The following KCTD8 variants were observed in gnomAD, a reference collection of about 807,000 sequenced individuals.
KCTD8 encodes the protein potassium channel tetramerization domain containing 8.
A neutral mutation model predicts 31.5 loss-of-function variants in KCTD8; 27 were observed. That is an observed-to-expected ratio of 0.86 (90% CI 0.63 to 1.18). The LOEUF (loss-of-function observed/expected upper bound fraction) is 1.18, where lower values mean the gene tolerates loss of function less well. KCTD8 is among the 50% of genes most tolerant of loss of function. The pLI, the probability that KCTD8 is intolerant of heterozygous loss-of-function variation, is 0.00. For synonymous variants in KCTD8, 290 were observed against 280.0 expected (o/e 1.04, Z -0.36); for missense variants, 658 against 647.7 (o/e 1.02, Z -0.17).
intron 1 of KCTD8, among the ~76,000 whole-genome samples, chr4:44,233,662 T>C (rs1162512909): frequency 6.6e-6 from 1 of 152,188 alleles, no homozygotes; most frequent in Non-Finnish European, 1.5e-5. Flanking sequence ...TATATAGAAA[T>C]TCTGTATCTT....
intron 1 of KCTD8, among the ~76,000 whole-genome samples, chr4:44,324,336 G>C (rs1304773233): frequency 6.6e-6 from 1 of 151,852 alleles, no homozygotes; most frequent in African/African-American, 2.4e-5. Context: ...TTCATTTTAT[G>C]ACTAACTCTT....
chr4:44,447,437 G>A, intron 1 of KCTD8, 126 bp downstream of exon 1: 4 of 1,368,408 alleles, frequency 2.9e-6, no homozygotes, highest in South Asian at 1.8e-5. Flanking sequence ...AGGGAGAGCC[G>A]CTCTCTATAA....
intron 1 of KCTD8, among the ~76,000 whole-genome samples, chr4:44,362,190 A>T (rs947622362): frequency 6.6e-6 from 1 of 152,136 alleles, no homozygotes; most frequent in African/African-American, 2.4e-5. Flanking sequence ...TGCCAGCCAC[A>T]CGTAGGTGAG....
chr4:44,307,364 T>C (rs1357353248), intron 1 of KCTD8, among the ~76,000 whole-genome samples: 1 of 152,014 alleles, frequency 6.6e-6, no homozygotes, highest in African/African-American at 2.4e-5. Context: ...TTCATCTATA[T>C]CTGTTGCCTA....
chr4:44,259,326 T>C (rs943005360), intron 1 of KCTD8, among the ~76,000 whole-genome samples: 1 of 151,886 alleles, frequency 6.6e-6, no homozygotes, highest in Non-Finnish European at 1.5e-5. Context: ...ATCCTTCAAA[T>C]ATAATCAGCC....
chr4:44,191,054 G>A (rs980295660), intron 1 of KCTD8, among the ~76,000 whole-genome samples: 55 of 152,146 alleles, frequency 3.6e-4, no homozygotes, highest in Non-Finnish European at 7.4e-4. Context: ...GGCTGGAGCC[G>A]TGGCAGAGGA....
chr4:44,308,984 G>A (rs1306976740), intron 1 of KCTD8, among the ~76,000 whole-genome samples: 2 of 152,020 alleles, frequency 1.3e-5, no homozygotes, highest in Non-Finnish European at 2.9e-5. Context: ...ATAGAATATA[G>A]ATTAGACAAA....
At chr4:44,185,047 G>A (rs1713538636) in intron 1 of KCTD8, among the ~76,000 whole-genome samples, 1 of 152,206 alleles carries the variant, frequency 6.6e-6, no homozygotes, top group African/African-American at 2.4e-5. Flanking sequence ...GAGAAAAGAA[G>A]TGCCACAGAA....
intron 1 of KCTD8, among the ~76,000 whole-genome samples, chr4:44,439,364 G>A (rs1721759188): frequency 6.6e-6 from 1 of 151,654 alleles, no homozygotes; most frequent in Non-Finnish European, 1.5e-5. Flanking sequence ...ATAAAAGCAG[G>A]GTTTAATGAG....
chr4:44,309,547 C>T (rs540776062), intron 1 of KCTD8, among the ~76,000 whole-genome samples: 18 of 152,244 alleles, frequency 1.2e-4, no homozygotes, highest in African/African-American at 4.3e-4. Flanking sequence ...GCTTAATTCT[C>T]TTTTACTCAC....
chr4:44,277,167 C>T (rs1037179006), intron 1 of KCTD8, among the ~76,000 whole-genome samples: 1 of 151,540 alleles, frequency 6.6e-6, no homozygotes, highest in Non-Finnish European at 1.5e-5. Flanking sequence ...CCATCAACTC[C>T]TAAAATGAGT....
chr4:44,442,781 A>G (rs73247564), intron 1 of KCTD8, among the ~76,000 whole-genome samples: 1 of 18,334 alleles, frequency 5.5e-5, no homozygotes, highest in Non-Finnish European at 1.6e-4. Context: ...GTATACACAC[A>G]CACACACACA....
At chr4:44,272,280 A>T (rs1049068418) in intron 1 of KCTD8, among the ~76,000 whole-genome samples, 1 of 151,466 alleles carries the variant, frequency 6.6e-6, no homozygotes, top group Non-Finnish European at 1.5e-5. Context: ...CAACAGGAAC[A>T]TTTTTTTTCA....
intron 1 of KCTD8, among the ~76,000 whole-genome samples, chr4:44,285,487 G>A (rs1717036657): frequency 2.0e-5 from 3 of 152,220 alleles, no homozygotes; most frequent in South Asian, 4.2e-4. Flanking sequence ...CGGGGTGTAG[G>A]GGAGGGATAA....
intron 1 of KCTD8, among the ~76,000 whole-genome samples, chr4:44,209,542 C>T (rs1466180062): frequency 2.0e-5 from 3 of 151,494 alleles, no homozygotes; most frequent in Non-Finnish European, 4.4e-5. Context: ...CCCACACACA[C>T]CCCCACCCAC....
At chr4:44,316,823 A>AG (rs1718130361) in intron 1 of KCTD8, among the ~76,000 whole-genome samples, 1 of 137,808 alleles carries the variant, frequency 7.3e-6, no homozygotes, top group Non-Finnish European at 1.6e-5. Flanking sequence ...AAAAAAAAAA[A>AG]GAAGATAAGC....
At chr4:44,340,602 C>A (rs1718872424) in intron 1 of KCTD8, among the ~76,000 whole-genome samples, 1 of 152,008 alleles carries the variant, frequency 6.6e-6, no homozygotes, top group Non-Finnish European at 1.5e-5. Flanking sequence ...AGCCACCACG[C>A]CCGGCCGACA....
intron 1 of KCTD8, among the ~76,000 whole-genome samples, chr4:44,333,575 G>A (rs2109413794): frequency 6.6e-6 from 1 of 152,158 alleles, no homozygotes; most frequent in South Asian, 2.1e-4. Flanking sequence ...TTTCAGCAAT[G>A]TCTTGATTGC....
chr4:44,192,230 A>T (rs1713785167), intron 1 of KCTD8, among the ~76,000 whole-genome samples: 4 of 152,246 alleles, frequency 2.6e-5, no homozygotes, highest in Admixed American at 2.6e-4. Context: ...TCAGACAAAA[A>T]CAAATCTAAT....
Sources: gnomAD v4.1 joint callset for allele counts (sites outside exome capture counted in the v4.1 genomes callset) on GRCh38, gnomAD v4.1.1 for gene constraint, MANE v1.5 for transcripts, NCBI Gene and HGNC (gene_info 2026-07-23, HGNC 2026-07-21) for gene names.